The following CFDP1 variants were observed in gnomAD, a reference collection of about 807,000 sequenced individuals.
CFDP1 encodes chromatin remodeling protein CFDP1.
Under a neutral mutation model 40.1 loss-of-function variants are expected in CFDP1, and 31 were observed. That is an observed-to-expected ratio of 0.77 (90% CI 0.58 to 1.04). CFDP1 has a LOEUF of 1.04. Among genes scored for constraint, CFDP1 ranks in the 50% least tolerant of loss-of-function variants. The pLI is 0.00. For missense variants in CFDP1, 423 were observed against 343.4 expected, an observed-to-expected ratio of 1.23 and a Z score of -1.83; for synonymous variants, 167 against 120.0, an observed-to-expected ratio of 1.39 and a Z score of -2.56.
chr16:75,393,734 T>C, intron 5 of CFDP1, among the ~76,000 whole-genome samples: 1 of 24,776 alleles, frequency 4.0e-5, no homozygotes, highest in Non-Finnish European at 6.8e-5. Context: ...CGAGACTCCG[T>C]CGCAAAAAAA....
chr16:75,383,655 C>A (rs187002046), intron 5 of CFDP1, among the ~76,000 whole-genome samples: 1 of 151,960 alleles, frequency 6.6e-6, no homozygotes, highest in Non-Finnish European at 1.5e-5. Context: ...CCTGCCTCTA[C>A]TAAAAATACA....
intron 1 of CFDP1, among the ~76,000 whole-genome samples, chr16:75,432,542 C>T (rs2079434391): frequency 6.6e-6 from 1 of 152,018 alleles, no homozygotes; most frequent in Admixed American, 6.6e-5. Context: ...CAGCAAGACC[C>T]TGTCTTTAAA....
intron 5 of CFDP1, chr16:75,380,209 G>C (rs2078841461): frequency 6.6e-6 from 1 of 151,466 alleles, no homozygotes. Flanking sequence ...TTTTAGGCAA[G>C]ATGGATACTT....
At chr16:75,423,515 G>A (rs1257805270) in intron 1 of CFDP1, among the ~76,000 whole-genome samples, 2 of 151,608 alleles carry the variant, frequency 1.3e-5, no homozygotes, top group Non-Finnish European at 2.9e-5. Flanking sequence ...TGGCGAGGTT[G>A]GTTTTTTTTT....
intron 5 of CFDP1, among the ~76,000 whole-genome samples, chr16:75,359,953 GCAGTGCAGTGGCA>G (rs2078671227): frequency 6.6e-6 from 1 of 152,186 alleles, no homozygotes; most frequent in Non-Finnish European, 1.5e-5. Context: ...AGAGACAACA[GCAGTGCAGTGGCA>G]CCTTCTTAGC....
At position 75,412,737 on chromosome 16, in the gene CFDP1, C is replaced by T. The variant is rs752501070; in HGVS notation, c.200G>A (p.Gly67Asp). The T allele has an allele frequency of 6.2e-7, 1 of 1,612,838 alleles. No homozygotes were observed. Among genetic ancestry groups the T allele is most frequent in the South Asian group, 1.1e-5 (1 of 91,070 alleles). Residue 67 changes from glycine (G) to aspartate (D), a missense_variant, in exon 3 of 7, where the codon GGC becomes GAC. Physicochemically the swap from Gly to Asp is moderately conservative, Grantham distance 94. Coordinates refer to ENST00000283882, the MANE Select transcript of CFDP1 (RefSeq NM_006324.3). ...CTCTTCCTCTTCTTCTAATGAGAGGCCACCTTGTCTTCTCTTCCTAATCAC... is the reference window on the plus strand; with the variant it reads ...CTCTTCCTCTTCTTCTAATGAGAGGTCACCTTGTCTTCTCTTCCTAATCAC... The part of the protein sequence containing the change: ...SIPARKRRQG[G>D]LSLEEEEEED...
At position 75,297,196 on chromosome 16, in the gene CFDP1, T is replaced by TG. The variant is rs1567637652; in HGVS notation, c.810-3155_810-3154insC. ...TGTGTGTGTGTGTGTGTGTGTGTGT[T>TG]TTTAGTAGAGATGGGGTTTTGCCAT... On this transcript the variant is annotated intron_variant, in intron 6 of 6. Transcript: ENST00000283882. Among the ~76,000 whole-genome samples the TG allele has an allele frequency of 9.3e-3, 637 of 68,550 alleles. 1 individual carries two copies. The highest frequency in any genetic ancestry group is 0.024 in the African/African-American group (615 of 26,108). 45.0% of individuals were successfully genotyped at this position (68,550 alleles called of 152,430 possible). A position where few individuals can be genotyped will look rare whatever the true frequency, so the allele number is the denominator to read the frequency against.
chr16:75,397,210 A>C (rs1257089371), intron 4 of CFDP1, among the ~76,000 whole-genome samples: 1 of 148,440 alleles, frequency 6.7e-6, no homozygotes, highest in Admixed American at 6.7e-5. Context: ...CACTGCGCCC[A>C]GCGTTTTTTT....
chr16:75,407,419 G>C (rs1455464117), intron 4 of CFDP1, among the ~76,000 whole-genome samples: 1 of 152,038 alleles, frequency 6.6e-6, no homozygotes, highest in Non-Finnish European at 1.5e-5. Context: ...GCTCATACTT[G>C]TAATCCCAGC....
At chr16:75,300,187 T>C (rs1003676177) in intron 6 of CFDP1, among the ~76,000 whole-genome samples, 5 of 152,156 alleles carry the variant, frequency 3.3e-5, no homozygotes, top group Admixed American at 2.6e-4. Context: ...GTGGTGGTAG[T>C]GGGGCTGCGT....
intron 5 of CFDP1, among the ~76,000 whole-genome samples, chr16:75,370,714 T>C (rs1408165778): frequency 6.6e-6 from 1 of 152,010 alleles, no homozygotes; most frequent in Non-Finnish European, 1.5e-5. Flanking sequence ...CATACAAAAA[T>C]TAGCTGGTGT....
chr16:75,395,806 G>C (rs773011795), intron 4 of CFDP1, among the ~76,000 whole-genome samples: 4 of 152,086 alleles, frequency 2.6e-5, no homozygotes, highest in Non-Finnish European at 5.9e-5. Flanking sequence ...TTTGGGAATG[G>C]ACGAAAGCAA....
In CFDP1 at chr16:75,365,179, A is replaced by G. The variant is rs566935484; in HGVS notation, c.650+29911T>C. 5.3e-5 allele frequency among the ~76,000 whole-genome samples: 8 copies of G among 152,356 alleles called. No homozygotes were observed. The East Asian group carries it at 1.2e-3, about 22-fold the overall frequency. On this transcript the variant is annotated intron_variant, in intron 5 of 6. Coordinates refer to ENST00000283882, the MANE Select transcript of CFDP1 (RefSeq NM_006324.3). ...AAATCAGAAAGTAATTATAAATTTT[A>G]TGTGATAACTGAAGTTGAATGGCAA...
At position 75,369,318 on chromosome 16, in the gene CFDP1, A is replaced by G. The variant is rs141687083; in HGVS notation, c.650+25772T>C. Among the ~76,000 whole-genome samples the G allele has an allele frequency of 1.4e-3, 217 of 152,214 alleles. 2 individuals are homozygous for G. The highest frequency in any genetic ancestry group is 5.0e-3 in the African/African-American group (207 of 41,560). The stretch of plus-strand genomic sequence containing the variant: ...TGTAATCCAAGCACTTTAGGAGGTC[A>G]AGGCAGTATTGCTTGAGCCCAGGAG... On this transcript the variant is annotated intron_variant, in intron 5 of 6. Coordinates refer to ENST00000283882, the MANE Select transcript of CFDP1 (RefSeq NM_006324.3).
At chr16:75,388,365 T>C (rs1221847787) in intron 5 of CFDP1, among the ~76,000 whole-genome samples, 1 of 152,162 alleles carries the variant, frequency 6.6e-6, no homozygotes, top group Non-Finnish European at 1.5e-5. Flanking sequence ...AGATAGTATG[T>C]TTGGTATTTA....
chr16:75,299,528 G>A (rs1208117494), intron 6 of CFDP1, among the ~76,000 whole-genome samples: 1 of 151,906 alleles, frequency 6.6e-6, no homozygotes, highest in African/African-American at 2.4e-5. Flanking sequence ...CCGGGAGGCG[G>A]AGTTTGCAGT....
At chr16:75,334,583 CCT>C (rs2078472247) in intron 5 of CFDP1, among the ~76,000 whole-genome samples, 2 of 151,800 alleles carry the variant, frequency 1.3e-5, no homozygotes, top group Admixed American at 6.6e-5. Flanking sequence ...GTCTCTTGCC[CCT>C]CTTTTACTAT....
intron 1 of CFDP1, among the ~76,000 whole-genome samples, chr16:75,431,703 C>G (rs894345433): frequency 6.6e-6 from 1 of 151,998 alleles, no homozygotes; most frequent in Non-Finnish European, 1.5e-5. Flanking sequence ...CGGCAGACTA[C>G]GGAGTTGGGG....
chr16:75,307,775 G>T (rs1020190369), intron 5 of CFDP1, among the ~76,000 whole-genome samples: 1 of 152,028 alleles, frequency 6.6e-6, no homozygotes, highest in Admixed American at 6.5e-5. Flanking sequence ...CCCAAGGCTG[G>T]TATCAAACTC....
Sources: gnomAD v4.1 joint callset for allele counts (sites outside exome capture counted in the v4.1 genomes callset) on GRCh38, gnomAD v4.1.1 for gene constraint, MANE v1.5 for transcripts, NCBI Gene and HGNC (gene_info 2026-07-23, HGNC 2026-07-21) for gene names.